WDR27: variants seen among roughly 807,000 people sequenced by gnomAD.
WDR27 encodes WD repeat-containing protein 27.
In WDR27, 100 loss-of-function variants were observed where a neutral mutation model predicts 114.4. The ratio of observed to expected loss-of-function variants is 0.87; its 90% CI spans 0.74 to 1.03. WDR27 has a LOEUF of 1.03. Ranked by LOEUF, WDR27 falls within the 50% of genes least tolerant of loss-of-function variation. The probability of loss-of-function intolerance (pLI) is 0.00; values close to 1 mark genes in which losing one functional copy is unlikely to be tolerated. For missense variants in WDR27, 1,129 were observed against 1,092.9 expected (o/e 1.03, Z -0.47); for synonymous variants, 449 against 423.1 (o/e 1.06, Z -0.75).
At chr6:169,433,399 G>C in the WDR27 span, among the ~76,000 whole-genome samples, 3,244 of 152,240 alleles carry the variant, frequency 0.021, 122 homozygotes, top group African/African-American at 0.075. Flanking sequence ...CTTCATCCAT[G>C]TCCCTGCAAA....
At chr6:169,645,103 C>T (rs9478082) in intron 16 of WDR27, among the ~76,000 whole-genome samples, 14,033 of 124,986 alleles carry the variant, frequency 0.11, 1,061 homozygotes, top group African/African-American at 0.15. Context: ...AAGCCTAGTT[C>T]GCAGGAGTCC....
intron 21 of WDR27, among the ~76,000 whole-genome samples, chr6:169,619,985 T>G (rs1426179739): frequency 6.6e-6 from 1 of 152,238 alleles, no homozygotes; most frequent in Non-Finnish European, 1.5e-5. Flanking sequence ...TGAAATATTT[T>G]TATTTTCTTC....
chr6:169,449,518 A>G, the WDR27 span, among the ~76,000 whole-genome samples: 1 of 152,166 alleles, frequency 6.6e-6, no homozygotes, highest in African/African-American at 2.4e-5. Context: ...GGGCCTTAGC[A>G]TGCTGACTCT....
intron 2 of WDR27, among the ~76,000 whole-genome samples, chr6:169,673,689 G>A (rs1265037050): frequency 6.6e-6 from 1 of 152,078 alleles, no homozygotes; most frequent in Non-Finnish European, 1.5e-5. Context: ...CAAAAATGGT[G>A]TAATTAAATG....
intron 25 of WDR27, among the ~76,000 whole-genome samples, chr6:169,571,787 G>A (rs927412656): frequency 8.5e-5 from 13 of 152,118 alleles, no homozygotes; most frequent in Non-Finnish European, 5.9e-5. Flanking sequence ...GTAGTCAGCC[G>A]TGATCACACC....
chr6:169,609,894 C>T (rs1040140744), intron 22 of WDR27, among the ~76,000 whole-genome samples: 1 of 152,190 alleles, frequency 6.6e-6, no homozygotes, highest in Non-Finnish European at 1.5e-5. Context: ...CTCTTAAACA[C>T]TTTGCTGCTT....
chr6:169,466,940 A>AG (rs1373661538), intron 25 of WDR27, among the ~76,000 whole-genome samples: 1 of 152,180 alleles, frequency 6.6e-6, no homozygotes, highest in Non-Finnish European at 1.5e-5. Context: ...ATCAAAAGCA[A>AG]GTTAGTTACT....
chr6:169,598,832 G>C (rs889736723), intron 23 of WDR27, among the ~76,000 whole-genome samples: 7 of 152,296 alleles, frequency 4.6e-5, no homozygotes, highest in Admixed American at 3.3e-4. Flanking sequence ...CAGAAAATAA[G>C]TGTCTATTTT....
At chr6:169,658,904 G>A (rs1293889392) in intron 12 of WDR27, among the ~76,000 whole-genome samples, 182 bp downstream of exon 12, 20 of 152,132 alleles carry the variant, frequency 1.3e-4, no homozygotes. Flanking sequence ...AGCCAGGATG[G>A]TCTCGATCTC....
At chr6:169,544,192 T>C (rs978357238) in intron 25 of WDR27, among the ~76,000 whole-genome samples, 1 of 152,134 alleles carries the variant, frequency 6.6e-6, no homozygotes, top group African/African-American at 2.4e-5. Context: ...AATGAAAAGA[T>C]GTCTACTCTC....
chr6:169,670,927 C>T lies in WDR27; in HGVS notation c.332-234G>A, dbSNP rs549926227. On this transcript the variant is annotated intron_variant, in intron 3 of 25. Coordinates refer to ENST00000448612, the MANE Select transcript of WDR27 (RefSeq NM_182552.5). ...CAGAGACTCTCTCAGCATCGAAACA[C>T]GAAGATGCCTTTCTCTGGAGGCTGC... The T allele has an allele frequency of 5.5e-4, 267 of 482,960 alleles. 3 individuals are homozygous for T. The South Asian group carries it at 7.8e-3, about 14-fold the overall frequency. 29.9% of individuals were successfully genotyped at this position (482,960 alleles called of 1,614,324 possible).
At chr6:169,508,328 C>T (rs1387951846) in intron 25 of WDR27, among the ~76,000 whole-genome samples, 1 of 152,212 alleles carries the variant, frequency 6.6e-6, no homozygotes, top group Non-Finnish European at 1.5e-5. Flanking sequence ...ATGAGGAAAG[C>T]CATACACCAA....
Position 169,701,872 on chromosome 6 carries a change from C to G in WDR27, c.-329G>C. ...AGGCACACGCCCCAGAGCAGCAGCT[C>G]GGGTTCGGCGCCGACTCCGCGCCGA... On this transcript the variant is annotated 5_prime_UTR_variant, in exon 1 of 26. Transcript: ENST00000448612. 1 of 340,474 alleles carries G rather than the reference C, an allele frequency of 2.9e-6. No homozygotes were observed. Among genetic ancestry groups the G allele is most frequent in the South Asian group, 2.1e-5 (1 of 46,932 alleles). 21.1% of individuals were successfully genotyped at this position (340,474 alleles called of 1,614,324 possible).
At chr6:169,520,072 G>A (rs1794181107) in intron 25 of WDR27, among the ~76,000 whole-genome samples, 1 of 152,162 alleles carries the variant, frequency 6.6e-6, no homozygotes, top group Non-Finnish European at 1.5e-5. Context: ...AAGAGCCAGA[G>A]ACAAAAGGGG....
chr6:169,668,321 G>C (rs750850408), intron 4 of WDR27, 136 bp from the exon 5 acceptor site: 7 of 827,028 alleles, frequency 8.5e-6, no homozygotes, highest in Non-Finnish European at 1.3e-5. Context: ...GTTAAAAGCC[G>C]ACACTGACTG....
intron 25 of WDR27, among the ~76,000 whole-genome samples, chr6:169,504,089 G>A (rs374850127): frequency 6.6e-6 from 1 of 152,042 alleles, no homozygotes; most frequent in Admixed American, 6.6e-5. Flanking sequence ...AAAGATAGAT[G>A]AACAGTGTGT....
At chr6:169,468,008 G>A (rs754409377) in intron 25 of WDR27, among the ~76,000 whole-genome samples, 3 of 152,078 alleles carry the variant, frequency 2.0e-5, no homozygotes, top group Non-Finnish European at 2.9e-5. Context: ...AACTTCTTCC[G>A]CCAGATACCC....
chr6:169,432,007 T>C, the WDR27 span, among the ~76,000 whole-genome samples: 3 of 152,240 alleles, frequency 2.0e-5, no homozygotes, highest in African/African-American at 7.2e-5. Context: ...CTACACGTCC[T>C]CTTTTTTATC....
chr6:169,561,646 T>TA (rs1799684614), intron 25 of WDR27, among the ~76,000 whole-genome samples: 2 of 148,678 alleles, frequency 1.3e-5, no homozygotes, highest in African/African-American at 2.5e-5. Context: ...AGCACAAAAA[T>TA]AAAAAAACAA....
Sources: allele counts gnomAD v4.1 joint callset (sites outside exome capture counted in the v4.1 genomes callset), GRCh38; gene constraint gnomAD v4.1.1; transcripts MANE v1.5; gene names NCBI Gene and HGNC (gene_info 2026-07-23, HGNC 2026-07-21).